The following NR3C2 variants were observed in gnomAD, a reference collection of about 807,000 sequenced individuals.
The protein encoded by NR3C2 is nuclear receptor subfamily 3 group C member 2.
Under a neutral mutation model 86.4 loss-of-function variants are expected in NR3C2, and 15 were observed. The observed-to-expected ratio is 0.17, with a 90% CI of 0.12 to 0.27. The LOEUF (loss-of-function observed/expected upper bound fraction) is 0.27, where lower values mean the gene tolerates loss of function less well. Among genes scored for constraint, NR3C2 ranks in the 10% least tolerant of loss-of-function variants. The probability of loss-of-function intolerance (pLI) is 1.00; values close to 1 mark genes in which losing one functional copy is unlikely to be tolerated. For missense variants in NR3C2, 960 were observed against 1,195.6 expected (o/e 0.80, Z 2.91); for synonymous variants, 458 against 450.5 (o/e 1.02, Z -0.21).
chr4:148,154,992 A>G, intron 4 of NR3C2, 91 bp from the exon 5 acceptor site: 1 of 1,023,454 alleles, frequency 9.8e-7, no homozygotes, highest in East Asian at 2.6e-5. Flanking sequence ...TCCTCTAAAT[A>G]GATCTTGTTA....
chr4:148,151,235 G>C (rs771452440), intron 6 of NR3C2, among the ~76,000 whole-genome samples: 36 of 149,282 alleles, frequency 2.4e-4, no homozygotes, highest in Non-Finnish European at 3.7e-4. Flanking sequence ...CAAACGCTGA[G>C]GGCATTAATA....
chr4:148,339,109 A>G (rs1744631327), intron 2 of NR3C2, among the ~76,000 whole-genome samples: 1 of 152,210 alleles, frequency 6.6e-6, no homozygotes, highest in Admixed American at 6.5e-5. Context: ...GATTCCACCA[A>G]GTTTTACAGC....
intron 2 of NR3C2, among the ~76,000 whole-genome samples, chr4:148,338,824 T>C (rs905771248): frequency 6.6e-6 from 1 of 152,166 alleles, no homozygotes; most frequent in Non-Finnish European, 1.5e-5. Flanking sequence ...ATTAATTTAA[T>C]TAACAATAAA....
intron 2 of NR3C2, among the ~76,000 whole-genome samples, chr4:148,361,325 A>T (rs1745824849): frequency 6.6e-6 from 1 of 152,242 alleles, no homozygotes; most frequent in South Asian, 2.1e-4. Flanking sequence ...TTTGAATAAA[A>T]ATCTCTAGGC....
At chr4:148,416,772 G>A (rs1412303253) in intron 2 of NR3C2, among the ~76,000 whole-genome samples, 1 of 151,926 alleles carries the variant, frequency 6.6e-6, no homozygotes, top group East Asian at 1.9e-4. Context: ...ATATGTATTT[G>A]CTTTTTTTTT....
chr4:148,152,754 AT>A, intron 5 of NR3C2, 141 bp from the exon 6 acceptor site: 2 of 795,010 alleles, frequency 2.5e-6, no homozygotes, highest in Non-Finnish European at 4.2e-6. Flanking sequence ...TTCAACAGTC[AT>A]TTACAGAGTG....
chr4:148,167,452 C>T (rs376570371), intron 4 of NR3C2, among the ~76,000 whole-genome samples: 23 of 152,168 alleles, frequency 1.5e-4, no homozygotes, highest in African/African-American at 2.9e-4. Context: ...TGATTTTTTT[C>T]GGACCCACAG....
chr4:148,372,812 T>C (rs1007086952), intron 2 of NR3C2, among the ~76,000 whole-genome samples: 3 of 152,212 alleles, frequency 2.0e-5, no homozygotes, highest in African/African-American at 7.2e-5. Context: ...CTTCCACTGA[T>C]TTCTGACTAT....
chr4:148,325,081 A>G (rs1224923092), intron 2 of NR3C2, among the ~76,000 whole-genome samples: 4 of 152,186 alleles, frequency 2.6e-5, no homozygotes, highest in African/African-American at 9.7e-5. Context: ...ATCTGTTGCT[A>G]TAACTAAGCA....
At chr4:148,104,346 T>G (rs201918141) in intron 8 of NR3C2, among the ~76,000 whole-genome samples, 4 of 62,348 alleles carry the variant, frequency 6.4e-5, no homozygotes, top group South Asian at 9.2e-4. Context: ...GGTTTGGTTT[T>G]TTTTTTTTTT....
chr4:148,358,789 T>A (rs1745695944), intron 2 of NR3C2, among the ~76,000 whole-genome samples: 1 of 152,208 alleles, frequency 6.6e-6, no homozygotes, highest in Non-Finnish European at 1.5e-5. Flanking sequence ...TGCTTATAAT[T>A]AATCCATTAG....
At chr4:148,108,902 G>C (rs1163356807) in intron 8 of NR3C2, among the ~76,000 whole-genome samples, 1 of 152,228 alleles carries the variant, frequency 6.6e-6, no homozygotes, top group Non-Finnish European at 1.5e-5. Flanking sequence ...TGCCAGGGAA[G>C]ATGCAAACAA....
chr4:148,366,655 C>G (rs10434100), intron 2 of NR3C2, among the ~76,000 whole-genome samples: 1 of 151,862 alleles, frequency 6.6e-6, no homozygotes, highest in Non-Finnish European at 1.5e-5. Flanking sequence ...TCCTTGCATA[C>G]GAAGCAAAAA....
chr4:148,282,570 G>A (rs1342268661), intron 2 of NR3C2, among the ~76,000 whole-genome samples: 1 of 152,218 alleles, frequency 6.6e-6, no homozygotes, highest in Non-Finnish European at 1.5e-5. Context: ...TGTGTTAGCA[G>A]AATGCAGAGA....
chr4:148,187,775 G>T (rs1212676066), intron 4 of NR3C2, among the ~76,000 whole-genome samples: 1 of 152,058 alleles, frequency 6.6e-6, no homozygotes, highest in Non-Finnish European at 1.5e-5. Context: ...TTGGGTTCTT[G>T]GTCATGAAAT....
chr4:148,282,081 G>A (rs996842733), intron 2 of NR3C2, among the ~76,000 whole-genome samples: 1 of 152,188 alleles, frequency 6.6e-6, no homozygotes, highest in African/African-American at 2.4e-5. Context: ...CCAGGCTAGA[G>A]TGCAATGGTG....
intron 2 of NR3C2, among the ~76,000 whole-genome samples, chr4:148,432,865 A>C (rs1263857595): frequency 2.6e-5 from 4 of 152,186 alleles, no homozygotes; most frequent in African/African-American, 7.2e-5. Flanking sequence ...CAAAACAAAT[A>C]GGTTTGGATA....
chr4:148,342,959 T>C (rs1010531984), intron 2 of NR3C2, among the ~76,000 whole-genome samples: 11 of 152,178 alleles, frequency 7.2e-5, no homozygotes, highest in Admixed American at 4.6e-4. Flanking sequence ...TAATCTTTCT[T>C]TAGTTTATTA....
chr4:148,122,490 T>C (rs1276544135), intron 6 of NR3C2, among the ~76,000 whole-genome samples: 1 of 152,242 alleles, frequency 6.6e-6, no homozygotes, highest in South Asian at 2.1e-4. Context: ...TGTATTTTAA[T>C]AACTCAGTTT....
Sources: allele counts gnomAD v4.1 joint callset (sites outside exome capture counted in the v4.1 genomes callset), GRCh38; gene constraint gnomAD v4.1.1; transcripts MANE v1.5; gene names NCBI Gene and HGNC (gene_info 2026-07-23, HGNC 2026-07-21).